Variants in PLXDC2 observed in about 807,000 individuals in gnomAD.
PLXDC2 encodes plexin domain-containing protein 2.
Under a neutral mutation model 68.9 loss-of-function variants are expected in PLXDC2, and 40 were observed. That is an observed-to-expected ratio of 0.58 (90% confidence interval 0.45 to 0.76). The LOEUF (loss-of-function observed/expected upper bound fraction) is 0.76, where lower values mean the gene tolerates loss of function less well. PLXDC2 is among the 30% of genes least tolerant of loss of function. The pLI, the probability that PLXDC2 is intolerant of heterozygous loss-of-function variation, is 0.00. For missense variants in PLXDC2, 644 were observed against 661.9 expected, an observed-to-expected ratio of 0.97 and a Z score of 0.30; for synonymous variants, 243 against 234.2, an observed-to-expected ratio of 1.04 and a Z score of -0.34.
chr10:20,256,829 T>C (rs1490154737), intron 13 of PLXDC2, among the ~76,000 whole-genome samples: 1 of 152,214 alleles, frequency 6.6e-6, no homozygotes, highest in Non-Finnish European at 1.5e-5. Flanking sequence ...TAGTCACAAG[T>C]AATCTCAAAA....
At chr10:20,253,376 A>G (rs1027828261) in intron 13 of PLXDC2, among the ~76,000 whole-genome samples, 5 of 148,962 alleles carry the variant, frequency 3.4e-5, no homozygotes, top group East Asian at 3.9e-4. Flanking sequence ...AAATGATAAT[A>G]ATAATAATAA....
chr10:20,261,629 C>T (rs145397731), intron 13 of PLXDC2, among the ~76,000 whole-genome samples: 2,229 of 152,080 alleles, frequency 0.015, 48 homozygotes, highest in African/African-American at 0.047. Flanking sequence ...CTGAGGCGGA[C>T]GGATCACCTG....
chr10:20,220,031 G>T (rs1835189148), intron 12 of PLXDC2, among the ~76,000 whole-genome samples: 1 of 152,008 alleles, frequency 6.6e-6, no homozygotes, highest in Non-Finnish European at 1.5e-5. Flanking sequence ...ATCTATATTT[G>T]TCTTTAGAGT....
intron 6 of PLXDC2, among the ~76,000 whole-genome samples, chr10:20,148,384 G>T (rs1834107236): frequency 6.6e-6 from 1 of 152,002 alleles, no homozygotes; most frequent in South Asian, 2.1e-4. Context: ...TTCTAGGATG[G>T]CTGTGCTTTG....
chr10:19,910,016 G>C (rs1323460871), intron 1 of PLXDC2, among the ~76,000 whole-genome samples: 1 of 152,060 alleles, frequency 6.6e-6, no homozygotes, highest in Non-Finnish European at 1.5e-5. Context: ...TCCGTGTTTT[G>C]CCTGTGTTAA....
intron 12 of PLXDC2, among the ~76,000 whole-genome samples, chr10:20,225,723 T>G (rs1835277269): frequency 1.3e-5 from 2 of 152,216 alleles, no homozygotes; most frequent in South Asian, 4.1e-4. Context: ...GTAATTGTTA[T>G]TTTATTATTC....
At chr10:19,861,135 A>C (rs951760170) in intron 1 of PLXDC2, among the ~76,000 whole-genome samples, 1 of 151,660 alleles carries the variant, frequency 6.6e-6, no homozygotes, top group African/African-American at 2.4e-5. Flanking sequence ...CCCGGGTTCA[A>C]GTGATTCTCC....
At chr10:19,993,043 G>C (rs1834777027) in intron 1 of PLXDC2, among the ~76,000 whole-genome samples, 1 of 152,032 alleles carries the variant, frequency 6.6e-6, no homozygotes, top group African/African-American at 2.4e-5. Context: ...TCTCACATAC[G>C]TCAATTCCCT....
chr10:20,276,310 A>G (rs61857188), intron 13 of PLXDC2, among the ~76,000 whole-genome samples: 1,995 of 152,240 alleles, frequency 0.013, 16 homozygotes, highest in Middle Eastern at 0.024. Flanking sequence ...TTTTGTGTAC[A>G]CTGCTAACTG....
chr10:20,024,716 C>G (rs572391285), intron 2 of PLXDC2, among the ~76,000 whole-genome samples: 3 of 152,028 alleles, frequency 2.0e-5, no homozygotes, highest in Non-Finnish European at 4.4e-5. Context: ...AACCCTTGAT[C>G]CCCACCTTTT....
chr10:19,841,542 T>G (rs1341952376), intron 1 of PLXDC2, among the ~76,000 whole-genome samples: 6 of 151,194 alleles, frequency 4.0e-5, no homozygotes, highest in Admixed American at 2.6e-4. Context: ...TCAGGGTTTT[T>G]TTTTTTTTTT....
At chr10:20,014,197 T>TTTCC (rs912652172) in intron 2 of PLXDC2, among the ~76,000 whole-genome samples, 20 of 122,948 alleles carry the variant, frequency 1.6e-4, no homozygotes, top group South Asian at 5.8e-4. Context: ...CCCTCCCTTG[T>TTTCC]TTCCTTCCTT....
intron 4 of PLXDC2, among the ~76,000 whole-genome samples, chr10:20,100,175 A>G (rs931039123): frequency 6.6e-6 from 1 of 152,180 alleles, no homozygotes; most frequent in African/African-American, 2.4e-5. Context: ...CACGGAAATA[A>G]TCCTGATCAT....
chr10:20,163,399 G>GATTGT (rs1273803213), intron 6 of PLXDC2, among the ~76,000 whole-genome samples: 2 of 151,742 alleles, frequency 1.3e-5, no homozygotes, highest in South Asian at 2.1e-4. Context: ...TTTTATTATA[G>GATTGT]ATTGTATTGT....
intron 1 of PLXDC2, among the ~76,000 whole-genome samples, chr10:19,853,359 A>G (rs180790415): frequency 1.2e-4 from 18 of 152,258 alleles, no homozygotes; most frequent in South Asian, 2.1e-4. Context: ...CCACTTTGCT[A>G]TAACAAATTT....
intron 1 of PLXDC2, among the ~76,000 whole-genome samples, chr10:19,882,640 C>T (rs796234981): frequency 6.6e-6 from 1 of 152,092 alleles, no homozygotes. Flanking sequence ...TGAAAGGTTT[C>T]GAGGGACAAA....
chr10:19,985,935 A>G (rs1049764698), intron 1 of PLXDC2, among the ~76,000 whole-genome samples: 1 of 151,980 alleles, frequency 6.6e-6, no homozygotes, highest in Non-Finnish European at 1.5e-5. Flanking sequence ...CACTTTGCCT[A>G]TGCTTCCTCC....
chr10:20,239,743 A>G (rs1412562), intron 12 of PLXDC2, among the ~76,000 whole-genome samples: 2 of 151,916 alleles, frequency 1.3e-5, no homozygotes, highest in East Asian at 1.9e-4. Flanking sequence ...ACATACTTCT[A>G]TCTGCCAATA....
At chr10:19,843,462 T>G (rs1360502711) in intron 1 of PLXDC2, among the ~76,000 whole-genome samples, 3 of 151,956 alleles carry the variant, frequency 2.0e-5, no homozygotes, top group African/African-American at 7.3e-5. Context: ...TCTGGCTGCA[T>G]TAAGATATTT....
Sources: allele counts gnomAD v4.1 joint callset (sites outside exome capture counted in the v4.1 genomes callset), GRCh38; gene constraint gnomAD v4.1.1; transcripts MANE v1.5; gene names NCBI Gene and HGNC (gene_info 2026-07-23, HGNC 2026-07-21).